USH2A: variants seen among roughly 807,000 people sequenced by gnomAD.
USH2A encodes Usher syndrome 2A (autosomal recessive, mild).
In USH2A, 443 loss-of-function variants were observed where a neutral mutation model predicts 538.9. The observed-to-expected ratio is 0.82, with a 90% confidence interval of 0.76 to 0.89. USH2A has a LOEUF of 0.89. USH2A is among the 40% of genes least tolerant of loss of function. The pLI, the probability that USH2A is intolerant of heterozygous loss-of-function variation, is 0.00. For missense variants in USH2A, 6,633 were observed against 6,324.8 expected (o/e 1.05, Z -1.65); for synonymous variants, 2,413 against 2,273.5 (o/e 1.06, Z -1.75).
chr1:215,924,101 T>C (rs1439565645), intron 38 of USH2A, among the ~76,000 whole-genome samples: 1 of 152,054 alleles, frequency 6.6e-6, no homozygotes. Flanking sequence ...AAATGAAAGA[T>C]AGTATACATT....
intron 61 of USH2A, among the ~76,000 whole-genome samples, chr1:215,707,581 G>C (rs1659215623): frequency 3.9e-5 from 6 of 152,128 alleles, no homozygotes; most frequent in Admixed American, 3.9e-4. Context: ...TGATTCCAAA[G>C]GATAATTGTT....
chr1:215,782,473 C>A (rs1415833277), intron 53 of USH2A, among the ~76,000 whole-genome samples: 6 of 152,056 alleles, frequency 3.9e-5, no homozygotes, highest in Non-Finnish European at 8.8e-5. Flanking sequence ...TCTGAATATG[C>A]CTTGCTTGTT....
At chr1:215,901,301 C>T in intron 38 of USH2A, 2 of 304,754 alleles carry the variant, frequency 6.6e-6, no homozygotes, top group South Asian at 6.1e-5. Flanking sequence ...ATATTCTTCC[C>T]CCCGATATCA....
intron 19 of USH2A, among the ~76,000 whole-genome samples, chr1:216,190,634 G>A (rs2034696042): frequency 6.6e-6 from 1 of 151,802 alleles, no homozygotes; most frequent in South Asian, 2.1e-4. Context: ...TCATAAAGCA[G>A]CATGGTGGTA....
chr1:216,349,688 A>T (rs11120765), intron 4 of USH2A, among the ~76,000 whole-genome samples: 3,308 of 152,184 alleles, frequency 0.022, 115 homozygotes, highest in African/African-American at 0.074. Flanking sequence ...GGAATTGCCC[A>T]CCCCTTTCAG....
At chr1:216,355,375 G>GAAAGAAAGAAAGAAAGAA (rs748251919) in intron 4 of USH2A, among the ~76,000 whole-genome samples, 4 of 133,850 alleles carry the variant, frequency 3.0e-5, no homozygotes, top group Non-Finnish European at 5.0e-5. Flanking sequence ...AAGAAAGAAA[G>GAAAGAAAGAAAGAAAGAA]AAGGAAAGAA....
Position 215,623,007 on chromosome 1 carries a change from A to ATTC in USH2A, c.*2771_*2773dup, listed in dbSNP as rs1655844626. ...ATAATTAAAAGTTCCTTATTAATGA[A>ATTC]TTCTTCCACTTGGACTATGTTTTAT... On this transcript the variant is annotated 3_prime_UTR_variant, in exon 72 of 72. Coordinates refer to ENST00000307340, the MANE Select transcript of USH2A (RefSeq NM_206933.4). 1 of 152,112 alleles carries ATTC rather than the reference A, an allele frequency of 6.6e-6. No homozygotes were observed. The highest frequency in any genetic ancestry group is 2.4e-5 in the African/African-American group (1 of 41,448). 9.4% of individuals were successfully genotyped at this position (152,112 alleles called of 1,614,324 possible). A position where few individuals can be genotyped will look rare whatever the true frequency, so the allele number is the denominator to read the frequency against.
intron 47 of USH2A, among the ~76,000 whole-genome samples, chr1:215,837,596 A>G (rs1004012019): frequency 2.6e-5 from 4 of 152,194 alleles, no homozygotes; most frequent in Non-Finnish European, 5.9e-5. Flanking sequence ...AATTTTACAG[A>G]TTTCTAGCTT....
At position 215,766,775 on chromosome 1, in the gene USH2A, G is replaced by T; in HGVS notation, c.10953C>A (p.Tyr3651Ter). Residue 3651 changes from tyrosine to a stop codon, truncating the protein, a stop_gained, in exon 56 of 72, where the codon TAC becomes TAA. Coordinates refer to ENST00000307340, the MANE Select transcript of USH2A (RefSeq NM_206933.4). LOFTEE classifies it high-confidence loss of function. ...CTGTAAGAGTGAAGCTGTAGTTGGT[G>T]TATGGCTGGAGACCTAGAAAAAGCA... ...RQHTVTGLQPYTNYSFTLTAC... is the reference protein window; with the variant it reads ...RQHTVTGLQP 1 of 1,613,576 alleles carries T rather than the reference G, an allele frequency of 6.2e-7. No homozygotes were observed. The highest frequency in any genetic ancestry group is 8.5e-7 in the Non-Finnish European group (1 of 1,179,562).
chr1:216,277,708 C>A (rs2036697536), intron 11 of USH2A, among the ~76,000 whole-genome samples: 2 of 152,146 alleles, frequency 1.3e-5, no homozygotes, highest in Admixed American at 1.3e-4. Flanking sequence ...TGTCTTCAGC[C>A]TTCTATATAA....
At chr1:215,913,604 AG>A (rs1665868893) in intron 38 of USH2A, among the ~76,000 whole-genome samples, 1 of 152,146 alleles carries the variant, frequency 6.6e-6, no homozygotes, top group Admixed American at 6.6e-5. Context: ...TTTTAAGCAC[AG>A]AAACTACAAT....
intron 32 of USH2A, among the ~76,000 whole-genome samples, chr1:216,023,464 A>C (rs1668889301): frequency 2.0e-5 from 2 of 100,786 alleles, no homozygotes; most frequent in South Asian, 4.2e-4. Flanking sequence ...GCAGACAAAA[A>C]AAAAAAAAAA....
chr1:215,797,413 C>T (rs1022589982), intron 50 of USH2A, among the ~76,000 whole-genome samples: 1 of 152,142 alleles, frequency 6.6e-6, no homozygotes, highest in South Asian at 2.1e-4. Flanking sequence ...TAGCCTTGTA[C>T]TGGAAGAAGA....
intron 21 of USH2A, among the ~76,000 whole-genome samples, chr1:216,160,648 A>T (rs2034039807): frequency 6.6e-6 from 1 of 152,228 alleles, no homozygotes; most frequent in South Asian, 2.1e-4. Context: ...CAGGATATTA[A>T]CTATTTGGAA....
chr1:215,675,049 G>A lies in USH2A; in HGVS notation c.12862C>T (p.Pro4288Ser), dbSNP rs1657965294. 1 of 1,614,028 alleles carries A rather than the reference G, an allele frequency of 6.2e-7. No homozygotes were observed. Among genetic ancestry groups the A allele is most frequent in the Admixed American group, 1.7e-5 (1 of 59,996 alleles). ...TGGATAATACCATTAGACTGTTCTG[G>A]TGGGATCCAGGAAATCAGCAGTTTT... ...PQKLLISWIPPEQSNGIIQSY... is the reference protein window; with the variant it reads ...PQKLLISWIPSEQSNGIIQSY... The change falls in exon 63 of 72, where the codon CCA (proline) becomes TCA (serine). Residue 4288 changes from proline to serine, a missense_variant. Pro to Ser is a moderately conservative substitution (Grantham distance 74). Transcript: ENST00000307340.
chr1:215,656,973 T>C (rs963410980), intron 64 of USH2A, among the ~76,000 whole-genome samples: 10 of 152,238 alleles, frequency 6.6e-5, no homozygotes, highest in Non-Finnish European at 1.5e-5. Context: ...ATTATTTGTT[T>C]CCTAGGGGCA....
chr1:216,177,818 G>C (rs1276094700), intron 20 of USH2A, among the ~76,000 whole-genome samples: 1 of 152,220 alleles, frequency 6.6e-6, no homozygotes, highest in South Asian at 2.1e-4. Context: ...TTGAGTTTGT[G>C]AGCTGAGATT....
chr1:216,257,506 T>C (rs529581000), intron 11 of USH2A, among the ~76,000 whole-genome samples: 98 of 152,132 alleles, frequency 6.4e-4, no homozygotes, highest in Non-Finnish European at 1.1e-3. Flanking sequence ...AATTATAATA[T>C]GCCTTTTGTG....
At chr1:216,250,453 T>A (rs2102550969) in intron 12 of USH2A, among the ~76,000 whole-genome samples, 1 of 152,094 alleles carries the variant, frequency 6.6e-6, no homozygotes, top group African/African-American at 2.4e-5. Context: ...CAGAAAAAAA[T>A]GGAAAGATTT....
Sources: gnomAD v4.1 joint callset for allele counts (sites outside exome capture counted in the v4.1 genomes callset) on GRCh38, gnomAD v4.1.1 for gene constraint, MANE v1.5 for transcripts, NCBI Gene and HGNC (gene_info 2026-07-23, HGNC 2026-07-21) for gene names.